The following RNF150 variants were observed in gnomAD, a reference collection of about 807,000 sequenced individuals.
RNF150 encodes the protein ring finger protein 150.
Under a neutral mutation model 39.3 loss-of-function variants are expected in RNF150, and 24 were observed. The ratio of observed to expected loss-of-function variants is 0.61; its 90% CI spans 0.44 to 0.86. The LOEUF is 0.86. RNF150 is among the 40% of genes least tolerant of loss of function. RNF150 has a pLI of 0.00. For missense variants in RNF150, 502 were observed against 587.8 expected (o/e 0.85, Z 1.51); for synonymous variants, 255 against 227.3 (o/e 1.12, Z -1.10).
intron 1 of RNF150, among the ~76,000 whole-genome samples, chr4:141,007,771 C>T (rs1734928248): frequency 6.6e-6 from 1 of 152,154 alleles, no homozygotes; most frequent in Non-Finnish European, 1.5e-5. Flanking sequence ...TTTACACTCT[C>T]CTAGGTTTTC....
chr4:141,025,642 A>G (rs1472441092), intron 1 of RNF150, among the ~76,000 whole-genome samples: 1 of 152,192 alleles, frequency 6.6e-6, no homozygotes, highest in Non-Finnish European at 1.5e-5. Context: ...TGGAAGATAC[A>G]TAAAAAGTAG....
At chr4:141,027,600 C>T (rs567320150) in intron 1 of RNF150, among the ~76,000 whole-genome samples, 10 of 152,088 alleles carry the variant, frequency 6.6e-5, no homozygotes, top group Non-Finnish European at 7.4e-5. Flanking sequence ...CCTGGTCAGA[C>T]GAGTATGTGC....
At chr4:141,066,758 T>C (rs114143392) in intron 1 of RNF150, among the ~76,000 whole-genome samples, 11 of 152,332 alleles carry the variant, frequency 7.2e-5, no homozygotes, top group African/African-American at 2.6e-4. Flanking sequence ...TTATTAGTAA[T>C]ATGTACTGAA....
chr4:140,860,051 G>A lies in RNF150; in HGVS notation c.*8210C>T, dbSNP rs771946371. ...GCCCATTATGAGACAAGTTGATTAC[G>A]CTCTCCAAGTACAAAGAGAATAGAA... On this transcript the variant is annotated 3_prime_UTR_variant, in exon 7 of 7. Coordinates refer to ENST00000515673, the MANE Select transcript of RNF150 (RefSeq NM_020724.2). 19 of 151,662 alleles carry A rather than the reference G, an allele frequency of 1.3e-4. No homozygotes were observed. Among genetic ancestry groups the A allele is most frequent in the Non-Finnish European group, 2.5e-4 (17 of 67,982 alleles). 9.4% of individuals were successfully genotyped at this position (151,662 alleles called of 1,614,324 possible).
intron 1 of RNF150, among the ~76,000 whole-genome samples, chr4:140,981,457 C>A (rs965992256): frequency 6.6e-6 from 1 of 152,046 alleles, no homozygotes; most frequent in Admixed American, 6.6e-5. Context: ...CTATCTAGGC[C>A]ACTCACTTGG....
At chr4:141,100,736 C>G (rs1738978152) in intron 1 of RNF150, among the ~76,000 whole-genome samples, 1 of 152,162 alleles carries the variant, frequency 6.6e-6, no homozygotes, top group African/African-American at 2.4e-5. Flanking sequence ...ATTGTGGAAA[C>G]ATCATAGAGT....
intron 1 of RNF150, among the ~76,000 whole-genome samples, chr4:140,970,748 C>T (rs1579015582): frequency 6.6e-6 from 1 of 152,090 alleles, no homozygotes; most frequent in East Asian, 1.9e-4. Context: ...GTTGTCTGTG[C>T]CACTGTTGTG....
At chr4:140,976,986 G>A (rs1031395275) in intron 1 of RNF150, among the ~76,000 whole-genome samples, 1 of 151,634 alleles carries the variant, frequency 6.6e-6, no homozygotes, top group Non-Finnish European at 1.5e-5. Context: ...GTCTCTCCGG[G>A]AACCTCCCAC....
chr4:141,090,583 G>T (rs1364855893), intron 1 of RNF150, among the ~76,000 whole-genome samples: 3 of 152,158 alleles, frequency 2.0e-5, no homozygotes, highest in African/African-American at 7.2e-5. Context: ...AAATAATAGT[G>T]ATGTGGCAGC....
intron 4 of RNF150, among the ~76,000 whole-genome samples, chr4:140,937,703 T>G (rs1041809054): frequency 4.6e-5 from 7 of 151,792 alleles, no homozygotes; most frequent in African/African-American, 1.7e-4. Flanking sequence ...TAAAAATTAA[T>G]TATGCCAGCA....
At chr4:141,151,405 TACAGACACACACAC>T (rs1338020375) in intron 1 of RNF150, among the ~76,000 whole-genome samples, 4 of 135,346 alleles carry the variant, frequency 3.0e-5, no homozygotes, top group African/African-American at 1.1e-4. Context: ...ACCCCATCTC[TACAGACACACACAC>T]ACACACACAC....
chr4:140,989,812 A>G (rs1734135281), intron 1 of RNF150, among the ~76,000 whole-genome samples: 1 of 152,128 alleles, frequency 6.6e-6, no homozygotes. Flanking sequence ...CTGGCTCTGA[A>G]GATGATAGTA....
chr4:141,198,744 C>T (rs1003868354), intron 1 of RNF150, among the ~76,000 whole-genome samples: 4 of 152,118 alleles, frequency 2.6e-5, no homozygotes, highest in Admixed American at 2.6e-4. Context: ...CAGTTTGGGG[C>T]TAAGAGCATC....
At chr4:141,093,094 C>T (rs979484194) in intron 1 of RNF150, among the ~76,000 whole-genome samples, 12 of 151,946 alleles carry the variant, frequency 7.9e-5, no homozygotes, top group African/African-American at 2.2e-4. Flanking sequence ...TGGCTGGGCG[C>T]GGCGGCTCAT....
At chr4:140,956,041 G>C (rs548097784) in intron 2 of RNF150, among the ~76,000 whole-genome samples, 9 of 152,100 alleles carry the variant, frequency 5.9e-5, no homozygotes, top group Non-Finnish European at 1.0e-4. Context: ...CCCTGGATTA[G>C]CCTCAAAGGC....
chr4:141,206,464 G>T lies in RNF150; in HGVS notation c.-6+6330C>A, dbSNP rs568115616. Among the ~76,000 whole-genome samples the T allele has an allele frequency of 2.8e-5, 4 of 144,718 alleles. No individual in the cohort carries two copies. In the South Asian group the frequency reaches 9.0e-4, roughly 32 times the overall value. 94.9% of individuals were successfully genotyped at this position (144,718 alleles called of 152,430 possible). A position where few individuals can be genotyped will look rare whatever the true frequency, so the allele number is the denominator to read the frequency against. On this transcript the variant is annotated intron_variant, in intron 1 of 7. Transcript: ENST00000420921. ...GAGTGTTCCCAAACCAAAACACCAAGTTCAAAAAGATTGCCGCCATAGTCA... is the reference window on the plus strand; with the variant it reads ...GAGTGTTCCCAAACCAAAACACCAATTTCAAAAAGATTGCCGCCATAGTCA...
chr4:140,962,719 C>T (rs1273783893), intron 2 of RNF150, among the ~76,000 whole-genome samples: 1 of 151,880 alleles, frequency 6.6e-6, no homozygotes, highest in East Asian at 1.9e-4. Flanking sequence ...TGATTAGTGC[C>T]AGGCTCAGCG....
intron 1 of RNF150, among the ~76,000 whole-genome samples, chr4:141,108,723 A>G (rs1739292437): frequency 6.6e-6 from 1 of 152,226 alleles, no homozygotes; most frequent in Non-Finnish European, 1.5e-5. Context: ...TTAAAGTTAA[A>G]AAAACTGAGG....
intron 1 of RNF150, among the ~76,000 whole-genome samples, chr4:141,142,716 A>G (rs1198457346): frequency 6.6e-6 from 1 of 152,106 alleles, no homozygotes; most frequent in Admixed American, 6.5e-5. Context: ...CCTGTCTGAC[A>G]CACTCTGCTC....
Sources: gnomAD v4.1 joint callset for allele counts (sites outside exome capture counted in the v4.1 genomes callset) on GRCh38, gnomAD v4.1.1 for gene constraint, MANE v1.5 for transcripts, NCBI Gene and HGNC (gene_info 2026-07-23, HGNC 2026-07-21) for gene names.